TPO: variants seen among roughly 807,000 people sequenced by gnomAD.
The protein encoded by TPO is thyroid peroxidase.
Under a neutral mutation model 96.9 loss-of-function variants are expected in TPO, and 78 were observed. The observed-to-expected ratio is 0.81, with a 90% CI of 0.67 to 0.97. The LOEUF is 0.97. TPO is among the 50% of genes least tolerant of loss of function. The pLI is 0.00. For synonymous variants in TPO, 547 were observed against 538.0 expected (o/e 1.02, Z -0.23); for missense variants, 1,252 against 1,274.8 (o/e 0.98, Z 0.27).
chr2:1,401,019 T>G (rs534456566), intron 1 of TPO, among the ~76,000 whole-genome samples: 1 of 151,816 alleles, frequency 6.6e-6, no homozygotes, highest in African/African-American at 2.4e-5. Context: ...CTTTCCAACC[T>G]GATGTCTGTC....
chr2:1,413,151 T>C (rs1020304634), upstream of TPO, among the ~76,000 whole-genome samples: 20 of 152,094 alleles, frequency 1.3e-4, no homozygotes, highest in African/African-American at 4.8e-4. Flanking sequence ...ACAGGGTATT[T>C]AACTGTGAAA....
At chr2:1,513,751 A>G (rs1475412053) in intron 14 of TPO, 1 of 152,248 alleles carries the variant, frequency 6.6e-6, no homozygotes, top group East Asian at 1.9e-4. Context: ...GAACATAGAT[A>G]TAGATAACAA....
chr2:1,464,136 G>A (rs1261656652), intron 7 of TPO, among the ~76,000 whole-genome samples: 2 of 152,166 alleles, frequency 1.3e-5, no homozygotes, highest in Non-Finnish European at 2.9e-5. Context: ...TTATGAGTGA[G>A]AACATAAAAT....
At chr2:1,413,630 AT>A in intron 1 of TPO, 85 bp downstream of exon 1, 1 of 976,980 alleles carries the variant, frequency 1.0e-6, no homozygotes, top group Non-Finnish European at 1.2e-6. Flanking sequence ...AGTGGCTGTA[AT>A]TTGGGCCATT....
chr2:1,508,095 G>A (rs1451705969), intron 14 of TPO, among the ~76,000 whole-genome samples: 1 of 151,058 alleles, frequency 6.6e-6, no homozygotes, highest in African/African-American at 2.4e-5. Flanking sequence ...TTAGCATGAA[G>A]GGTTGTTGAA....
Position 1,414,682 on chromosome 2 carries a change from T to C in TPO, c.94+180T>C, listed in dbSNP as rs145865350. On this transcript the variant is annotated intron_variant, in intron 2 of 16. Coordinates refer to ENST00000329066, the MANE Select transcript of TPO (RefSeq NM_001206744.2). Reference sequence around the variant, plus strand: ...TTTAGAAGGATTGAAATATGTACATTTCTTTCTTTAAAAAAGAGCTGATTT... The same window carrying C: ...TTTAGAAGGATTGAAATATGTACATCTCTTTCTTTAAAAAAGAGCTGATTT... Among the ~76,000 whole-genome samples the C allele has an allele frequency of 1.2e-3, 187 of 152,322 alleles. 1 individual carries two copies. The highest frequency in any genetic ancestry group is 4.3e-3 in the African/African-American group (180 of 41,566).
In TPO at chr2:1,504,027, G is replaced by T. The variant is rs1223779440; in HGVS notation, c.2466G>T (p.Gln822His). The change falls in exon 14 of 17, where the codon CAG becomes CAT. Residue 822 changes from glutamine to histidine, a missense_variant. By Grantham distance (24) the Gln-to-His change is conservative (BLOSUM62 0). Coordinates refer to ENST00000329066, the MANE Select transcript of TPO (RefSeq NM_001206744.2). ...GCAGAAACACCAAAGGCGGCTTCCA[G>T]TGTCTCTGCGCGGACCCCTACGAGT... ...ARCRNTKGGF[Q>H]CLCADPYELG... 1 of 1,614,252 alleles carries T rather than the reference G, an allele frequency of 6.2e-7. No homozygotes were observed. The highest frequency in any genetic ancestry group is 2.2e-5 in the East Asian group (1 of 44,872).
At chr2:1,448,268 A>C (rs1301056940) in intron 5 of TPO, among the ~76,000 whole-genome samples, 1 of 152,226 alleles carries the variant, frequency 6.6e-6, no homozygotes, top group African/African-American at 2.4e-5. Context: ...TGTGGTCTGC[A>C]TCTCGCTGTG....
At chr2:1,513,997 TTCTAGC>T (rs1158594376) in intron 14 of TPO, among the ~76,000 whole-genome samples, 1 of 152,224 alleles carries the variant, frequency 6.6e-6, no homozygotes, top group Non-Finnish European at 1.5e-5. Context: ...TTACATGTGC[TTCTAGC>T]TCTATGTACC....
In TPO at chr2:1,433,021, A is replaced by T. The variant is rs186827087; in HGVS notation, c.180-417A>T. Among the ~76,000 whole-genome samples, 184 of 152,314 alleles carry T rather than the reference A, an allele frequency of 1.2e-3. 2 individuals carry two copies. The highest frequency in any genetic ancestry group is 3.5e-3 in the African/African-American group (144 of 41,574). ...AGGGAAGAAGTTGGAGCTGGGACAC[A>T]TGCAGCTTCTGCAGGCTTTGGCTCT... On this transcript the variant is annotated intron_variant, in intron 3 of 16. Coordinates refer to ENST00000329066, the MANE Select transcript of TPO (RefSeq NM_001206744.2).
At chr2:1,376,730 T>A (rs1661727849) in intron 1 of TPO, among the ~76,000 whole-genome samples, 1 of 152,054 alleles carries the variant, frequency 6.6e-6, no homozygotes, top group South Asian at 2.1e-4. Flanking sequence ...GAAAGAAAAG[T>A]AAAGACACTT....
At chr2:1,513,177 G>A (rs1674338932) in intron 14 of TPO, among the ~76,000 whole-genome samples, 1 of 152,226 alleles carries the variant, frequency 6.6e-6, no homozygotes, top group Admixed American at 6.5e-5. Flanking sequence ...GGACATGGCT[G>A]TCCCTCAGTT....
intron 15 of TPO, among the ~76,000 whole-genome samples, chr2:1,524,490 TCAAATCCTCCCACTGTGTGCAGCCTCCC>T (rs1675963932): frequency 1.9e-5 from 1 of 53,738 alleles, no homozygotes; most frequent in African/African-American, 8.0e-5. Context: ...TGCAACCTCC[TCAAATCCTCCCACTGTGTGCAGCCTCCC>T]CAAATCCCAC....
At chr2:1,484,945 T>C in intron 9 of TPO, 91 bp downstream of exon 9, 1 of 1,566,566 alleles carries the variant, frequency 6.4e-7, no homozygotes, top group Non-Finnish European at 8.6e-7. Flanking sequence ...CTAGGGTACA[T>C]GTGCACAACG....
chr2:1,466,224 C>T (rs1299209678), intron 7 of TPO, among the ~76,000 whole-genome samples: 1 of 152,204 alleles, frequency 6.6e-6, no homozygotes, highest in Non-Finnish European at 1.5e-5. Flanking sequence ...GCCATCCCTG[C>T]ATCCCTGGTA....
rs890761088 is a variant in TPO at position 1,477,443 on chromosome 2, G to T, written c.1177G>T (p.Gly393Ter). ...GACCCGCGGGCCCTGCTTCCTGGCC[G>T]GAGACGGCCGCGCCAGCGAGGTCCC... ...GETRGPCFLA[G>*]DGRASEVPSL... Residue 393 changes from glycine (G) to a stop codon, truncating the protein, a stop_gained, in exon 8 of 17, where the codon GGA becomes TGA. Transcript: ENST00000329066. LOFTEE classifies it high-confidence loss of function. The T allele has an allele frequency of 1.3e-6, 2 of 1,523,358 alleles. No homozygotes were observed. The highest frequency in any genetic ancestry group is 1.8e-6 in the Non-Finnish European group (2 of 1,140,034). 94.4% of individuals were successfully genotyped at this position (1,523,358 alleles called of 1,614,324 possible). A position where few individuals can be genotyped will look rare whatever the true frequency, so the allele number is the denominator to read the frequency against.
chr2:1,451,000 A>G (rs546863948), intron 5 of TPO, among the ~76,000 whole-genome samples: 68 of 152,328 alleles, frequency 4.5e-4, no homozygotes, highest in African/African-American at 1.6e-3. Flanking sequence ...AGTATTAATA[A>G]CAGAATTATT....
At chr2:1,398,788 G>A (rs977532932) in intron 1 of TPO, among the ~76,000 whole-genome samples, 16 of 152,210 alleles carry the variant, frequency 1.1e-4, no homozygotes, top group Non-Finnish European at 2.4e-4. Flanking sequence ...TTGCAGCCCA[G>A]CTGAGGATTG....
At chr2:1,391,087 A>C (rs1661992898) in intron 1 of TPO, among the ~76,000 whole-genome samples, 1 of 152,172 alleles carries the variant, frequency 6.6e-6, no homozygotes, top group Non-Finnish European at 1.5e-5. Flanking sequence ...TTGGTGTTTT[A>C]GTCATGAAGT....
Sources: gnomAD v4.1 joint callset for allele counts (sites outside exome capture counted in the v4.1 genomes callset) on GRCh38, gnomAD v4.1.1 for gene constraint, MANE v1.5 for transcripts, NCBI Gene and HGNC (gene_info 2026-07-23, HGNC 2026-07-21) for gene names.